Variants in SCRG1 observed in about 807,000 individuals in gnomAD.
SCRG1 encodes the protein stimulator of chondrogenesis 1.
Under a neutral mutation model 7.7 loss-of-function variants are expected in SCRG1, and 3 were observed. The observed-to-expected ratio is 0.39, with a 90% CI of 0.18 to 1.01. The LOEUF (loss-of-function observed/expected upper bound fraction) is 1.01. SCRG1 is among the 50% of genes least tolerant of loss of function. The pLI, the probability that SCRG1 is intolerant of heterozygous loss-of-function variation, is 0.36. For missense variants in SCRG1, 110 were observed against 117.2 expected (o/e 0.94, Z 0.28); for synonymous variants, 46 against 41.2 (o/e 1.12, Z -0.44).
the SCRG1 span, among the ~76,000 whole-genome samples, chr4:173,507,189 C>G: frequency 6.7e-6 from 1 of 149,462 alleles, no homozygotes; most frequent in East Asian, 1.9e-4. This position sits in a 1 kb window ranked among gnomAD's most constrained non-coding sequence, Gnocchi z 4.4. Flanking sequence ...GAGCATGGCC[C>G]TGTTTTTCTG....
the SCRG1 span, among the ~76,000 whole-genome samples, chr4:173,461,098 C>T: frequency 6.6e-6 from 1 of 152,184 alleles, no homozygotes; most frequent in Non-Finnish European, 1.5e-5. Flanking sequence ...AGTCTAGTTC[C>T]TGACTCCTGG....
At chr4:173,510,496 T>C in the SCRG1 span, among the ~76,000 whole-genome samples, 2 of 151,930 alleles carry the variant, frequency 1.3e-5, no homozygotes, top group African/African-American at 4.8e-5. The surrounding 1 kb of genome is among the most constrained non-coding windows in gnomAD (Gnocchi z 5.7). Flanking sequence ...CACAAGTAGG[T>C]AGGCACATCC....
In SCRG1 at chr4:173,389,749, G is replaced by A. The variant is rs551493167; in HGVS notation, c.243-1354C>T. On this transcript the variant is annotated intron_variant, in intron 2 of 2. Coordinates refer to ENST00000296506, the MANE Select transcript of SCRG1 (RefSeq NM_007281.4). ...AAAAATCTGTTCTTAATCAGAACAC[G>A]TGGGTTCTAATCCCAGTGTTGATAT... The A allele has an allele frequency of 2.7e-5, 6 of 224,090 alleles. No individual in the cohort carries two copies. The East Asian group carries it at 5.7e-4, about 21-fold the overall frequency. The allele number at this position is 224,090 out of a possible 1,614,324, so 13.9% of individuals were successfully genotyped here.
the SCRG1 span, among the ~76,000 whole-genome samples, chr4:173,478,263 T>G: frequency 6.6e-6 from 1 of 152,158 alleles, no homozygotes; most frequent in South Asian, 2.1e-4. Context: ...TAGAATCTCA[T>G]CTCTTCATCT....
chr4:173,434,577 T>C, the SCRG1 span, among the ~76,000 whole-genome samples: 4 of 152,228 alleles, frequency 2.6e-5, 1 homozygote, highest in African/African-American at 9.6e-5. Flanking sequence ...ACGCCTGTAA[T>C]CCTAGCACTT....
chr4:173,504,352 T>C, the SCRG1 span, among the ~76,000 whole-genome samples: 23 of 152,222 alleles, frequency 1.5e-4, no homozygotes, highest in Non-Finnish European at 2.8e-4. The surrounding 1 kb of genome is among the most constrained non-coding windows in gnomAD (Gnocchi z 4.7). Context: ...ATAAGGTACC[T>C]GCCAGCACAG....
At chr4:173,423,328 C>G in the SCRG1 span, among the ~76,000 whole-genome samples, 2 of 152,146 alleles carry the variant, frequency 1.3e-5, no homozygotes, top group Non-Finnish European at 2.9e-5. Context: ...CATGGACTAA[C>G]TCTTCAAGTC....
At chr4:173,485,024 A>T in the SCRG1 span, among the ~76,000 whole-genome samples, 1 of 20,582 alleles carries the variant, frequency 4.9e-5, no homozygotes, top group African/African-American at 2.3e-4. Flanking sequence ...ATAATATATA[A>T]TATATTATAT....
chr4:173,423,220 T>C, the SCRG1 span, among the ~76,000 whole-genome samples: 1 of 152,244 alleles, frequency 6.6e-6, no homozygotes, highest in African/African-American at 2.4e-5. Flanking sequence ...CTTATAGAGT[T>C]GATTTATCAC....
chr4:173,493,923 TAAA>T, the SCRG1 span, among the ~76,000 whole-genome samples: 1 of 152,180 alleles, frequency 6.6e-6, no homozygotes, highest in Non-Finnish European at 1.5e-5. Flanking sequence ...AATATAATAG[TAAA>T]ATGAGGTTCT....
chr4:173,497,419 G>C, the SCRG1 span, among the ~76,000 whole-genome samples: 1 of 151,976 alleles, frequency 6.6e-6, no homozygotes, highest in Admixed American at 6.6e-5. Flanking sequence ...TAAAGGAAAA[G>C]ACTACTTCCA....
the SCRG1 span, among the ~76,000 whole-genome samples, chr4:173,482,010 G>A: frequency 2.0e-5 from 3 of 152,060 alleles, no homozygotes; most frequent in South Asian, 6.2e-4. Context: ...TATGTGTAGA[G>A]TATATGGATT....
chr4:173,506,992 G>A, the SCRG1 span, among the ~76,000 whole-genome samples: 5 of 152,110 alleles, frequency 3.3e-5, no homozygotes, highest in Admixed American at 1.3e-4. This position sits in a 1 kb window ranked among gnomAD's most constrained non-coding sequence, Gnocchi z 5.3. Context: ...TCCCTCACCC[G>A]CAGGTTTACC....
At chr4:173,452,651 T>C in the SCRG1 span, among the ~76,000 whole-genome samples, 1 of 152,310 alleles carries the variant, frequency 6.6e-6, no homozygotes, top group Non-Finnish European at 1.5e-5. Context: ...TTCTTTCCTA[T>C]TCCCTCTTGC....
At chr4:173,419,866 C>A in the SCRG1 span, 1 of 1,128,554 alleles carries the variant, frequency 8.9e-7, no homozygotes, top group Non-Finnish European at 1.3e-6. Flanking sequence ...GGGCCAGCAG[C>A]AGGCCAGTAC....
chr4:173,390,124 A>G lies in SCRG1; in HGVS notation c.242+1049T>C, dbSNP rs539133605. Among the ~76,000 whole-genome samples the G allele has an allele frequency of 1.1e-4, 17 of 151,952 alleles. No homozygotes were observed. In the South Asian group the frequency reaches 3.1e-3, roughly 28 times the overall value. ...AATGGCACGATCTAGGCTCACTGCA[A>G]CCTCCTCCTCCTGGGTTCAAGTGAT... On this transcript the variant is annotated intron_variant, in intron 2 of 2. Coordinates refer to ENST00000296506, the MANE Select transcript of SCRG1 (RefSeq NM_007281.4).
chr4:173,502,508 C>T, the SCRG1 span, among the ~76,000 whole-genome samples: 193 of 152,254 alleles, frequency 1.3e-3, 1 homozygote, highest in South Asian at 2.1e-3. The surrounding 1 kb of genome is among the most constrained non-coding windows in gnomAD (Gnocchi z 4.6). Context: ...TTCCGCTCTC[C>T]GTTGCCTGGC....
At chr4:173,467,547 T>C in the SCRG1 span, among the ~76,000 whole-genome samples, 1 of 152,172 alleles carries the variant, frequency 6.6e-6, no homozygotes, top group African/African-American at 2.4e-5. Context: ...TTGGATTGTT[T>C]TGGGAGAACT....
At chr4:173,491,285 A>G in the SCRG1 span, among the ~76,000 whole-genome samples, 2 of 149,386 alleles carry the variant, frequency 1.3e-5, no homozygotes, top group East Asian at 2.0e-4. Flanking sequence ...CTGCATGCAC[A>G]TGATCTTTGC....
Sources: gnomAD v4.1 joint callset for allele counts (sites outside exome capture counted in the v4.1 genomes callset) on GRCh38, gnomAD v4.1.1 for gene constraint, Gnocchi (gnomAD v3.1) non-coding constraint, MANE v1.5 for transcripts, NCBI Gene and HGNC (gene_info 2026-07-23, HGNC 2026-07-21) for gene names.